The following RYR1 variants were observed in gnomAD, a reference collection of about 807,000 sequenced individuals.
RYR1 encodes the protein central core disease of muscle.
RYR1 carries 342 observed loss-of-function variants against 583.5 expected under a neutral mutation model. The ratio of observed to expected loss-of-function variants is 0.59; its 90% CI spans 0.54 to 0.64. The LOEUF (loss-of-function observed/expected upper bound fraction) is 0.64. Ranked by LOEUF, RYR1 falls within the 30% of genes least tolerant of loss-of-function variation. The pLI, the probability that RYR1 is intolerant of heterozygous loss-of-function variation, is 0.00. For missense variants in RYR1, 6,032 were observed against 6,917.2 expected (o/e 0.87, Z 4.54); for synonymous variants, 2,791 against 2,822.5 (o/e 0.99, Z 0.35).
rs11880894 is a variant in RYR1 at position 38,490,899 on chromosome 19, C to T, written c.6127+167C>T. ...ATGAATGTGTTAGTGAACAGTTAGA[C>T]AATGCGTGTTTATATGGGTATTTGG... On this transcript the variant is annotated intron_variant, in intron 37 of 105. Transcript: ENST00000359596. Among the ~76,000 whole-genome samples the T allele has an allele frequency of 0.22, 33,899 of 152,218 alleles. 5,237 individuals are homozygous for T. Among genetic ancestry groups the T allele is most frequent in the African/African-American group, 0.43 (17,883 of 41,522 alleles).
intron 89 of RYR1, among the ~76,000 whole-genome samples, chr19:38,559,382 C>T (rs1421570575): frequency 6.6e-6 from 1 of 151,724 alleles, no homozygotes; most frequent in African/African-American, 2.4e-5. Context: ...TACAGGCACG[C>T]ACCATCATGC....
In RYR1 at chr19:38,500,946, G is replaced by A. The variant is rs1179671142; in HGVS notation, c.7570G>A (p.Val2524Met). 16 of 1,613,924 alleles carry A rather than the reference G, an allele frequency of 9.9e-6. No individual in the cohort carries two copies. The highest frequency in any genetic ancestry group is 5.0e-5 in the Admixed American group (3 of 59,996). The change falls in exon 47 of 106, where the codon GTG becomes ATG. Residue 2524 changes from valine to methionine, a missense_variant. Transcript: ENST00000359596. This position sits in a 1 kb window ranked among gnomAD's most constrained non-coding sequence, Gnocchi z 5.9. ...NQDFLLHVLD[V>M]GFLPDMRAAA... ...GGACTTCTTGCTGCACGTGCTGGAC[G>A]TGGGGTTCCTGCCCGACATGAGGGC...
chr19:38,475,212 T>C, intron 28 of RYR1, 106 bp from the exon 29 acceptor site: 5 of 1,446,362 alleles, frequency 3.5e-6, no homozygotes, highest in Non-Finnish European at 4.7e-6. Flanking sequence ...AGACCTGGGG[T>C]ATTAGAAGCA....
In RYR1 at chr19:38,525,424, G is replaced by T; in HGVS notation, c.10548G>T (p.Lys3516Asn). Reference protein sequence around the residue: ...QTSLIVATLKKMLPIGLNMCA... With the variant: ...QTSLIVATLKNMLPIGLNMCA... Reference sequence around the variant, plus strand: ...CACTGATCGTGGCCACACTGAAGAAGATGCTGCCCATCGGCCTGAATATGT... The same window carrying T: ...CACTGATCGTGGCCACACTGAAGAATATGCTGCCCATCGGCCTGAATATGT... The change falls in exon 71 of 106, where the codon AAG becomes AAT. Residue 3516 changes from lysine to asparagine, a missense_variant. Around this residue, in one of 11 missense-constraint regions of RYR1, gnomAD observed 1,493 missense variants for 1,715.5 expected, o/e 0.87. Coordinates refer to ENST00000359596, the MANE Select transcript of RYR1 (RefSeq NM_000540.3). The T allele has an allele frequency of 6.2e-7, 1 of 1,614,030 alleles. No homozygotes were observed. The highest frequency in any genetic ancestry group is 8.5e-7 in the Non-Finnish European group (1 of 1,179,982).
rs746317037 is a variant in RYR1 at position 38,485,813 on chromosome 19, G to A, written c.5158G>A (p.Glu1720Lys). ...YYDLLISIHLESACRSRRSML... is the reference protein window; with the variant it reads ...YYDLLISIHLKSACRSRRSML... ...TGACCTCCTCATCAGCATCCACCTC[G>A]AAAGTGCCTGCCGCAGCCGCCGCTC... Residue 1720 changes from glutamate to lysine, a missense_variant, in exon 34 of 106, where the codon GAA becomes AAA. By Grantham distance (56) the Glu-to-Lys change is moderately conservative (BLOSUM62 1). This residue lies in a region of RYR1 where 2,627 missense variants were observed against 2,961.3 expected (regional missense o/e 0.89). Transcript: ENST00000359596. The A allele has an allele frequency of 1.2e-6, 2 of 1,613,306 alleles. No homozygotes were observed. The highest frequency in any genetic ancestry group is 1.7e-6 in the Non-Finnish European group (2 of 1,179,968).
chr19:38,450,856 G>A (rs928680700), intron 11 of RYR1, among the ~76,000 whole-genome samples: 12 of 152,090 alleles, frequency 7.9e-5, no homozygotes, highest in Admixed American at 7.2e-4. Context: ...CTTTTCTATC[G>A]GCACATTCCC....
At position 38,460,604 on chromosome 19, in the gene RYR1, C is replaced by T. The variant is rs1201524076; in HGVS notation, c.2577+13C>T. 1 of 1,606,852 alleles carries T rather than the reference C, an allele frequency of 6.2e-7. No individual in the cohort carries two copies. Among genetic ancestry groups the T allele is most frequent in the South Asian group, 1.1e-5 (1 of 91,042 alleles). ...GGACACTGTCCAGGTACTGCCTGCC[C>T]TGCAAAGGTTTTCTGGCGAGGCAGG... is the stretch of plus-strand genomic sequence containing the variant. On this transcript the variant is annotated intron_variant, in intron 20 of 105. Transcript: ENST00000359596.
At position 38,502,732 on chromosome 19, in the gene RYR1, A is replaced by G. The variant is rs1469695; in HGVS notation, c.7835+5A>G. The G allele has an allele frequency of 0.32, 456,456 of 1,416,812 alleles. 70,145 individuals are homozygous for G. The highest frequency in any genetic ancestry group is 0.49 in the African/African-American group (31,245 of 63,786). 87.8% of individuals were successfully genotyped at this position (1,416,812 alleles called of 1,614,324 possible). A position where few individuals can be genotyped will look rare whatever the true frequency, so the allele number is the denominator to read the frequency against. On this transcript the variant is annotated splice_donor_5th_base_variant and intron_variant, in intron 48 of 105. Coordinates refer to ENST00000359596, the MANE Select transcript of RYR1 (RefSeq NM_000540.3). ...CTGCCTCATGTCGCTCTGCAGGTGG[A>G]GCGGGGCAGGCTTCAGGGTGGGGCA...
At chr19:38,586,233 G>A in intron 104 of RYR1, 42 bp downstream of exon 104, 1 of 1,558,536 alleles carries the variant, frequency 6.4e-7, no homozygotes, top group African/African-American at 1.4e-5. Context: ...GGGGGGCATG[G>A]CTGCCAATAG....
chr19:38,450,028 G>A (rs1966996154), intron 11 of RYR1, among the ~76,000 whole-genome samples: 1 of 152,164 alleles, frequency 6.6e-6, no homozygotes, highest in Non-Finnish European at 1.5e-5. Flanking sequence ...CACTGCTCCT[G>A]GCCAGGTTCT....
At chr19:38,535,578 TAGACTTGAAG>T (rs1385750689) in intron 81 of RYR1, 186 bp downstream of exon 81, 6 of 663,530 alleles carry the variant, frequency 9.0e-6, no homozygotes, top group Non-Finnish European at 1.6e-5. Context: ...CAAAATGTCA[TAGACTTGAAG>T]AATGAGTTGC....
chr19:38,477,658 C>T, intron 29 of RYR1, 52 bp from the exon 30 acceptor site: 2 of 1,613,528 alleles, frequency 1.2e-6, no homozygotes, highest in East Asian at 2.2e-5. Flanking sequence ...CCCAGGGAGC[C>T]CGAGTCCCTG....
chr19:38,446,526 G>A lies in RYR1; in HGVS notation c.686G>A (p.Cys229Tyr), dbSNP rs765606076. 6.2e-7 allele frequency: 1 copy of A among 1,614,198 alleles called. No homozygotes were observed. Among genetic ancestry groups the A allele is most frequent in the Non-Finnish European group, 8.5e-7 (1 of 1,180,040 alleles). ...LRLFHGHMDE[C>Y]LTISPADSDD... ...CTCTTTCATGGACATATGGATGAGT[G>A]TCTGACCATTTCCCCTGCTGACAGT... Residue 229 changes from cysteine (C) to tyrosine (Y), a missense_variant, in exon 8 of 106, where the codon TGT becomes TAT. Coordinates refer to ENST00000359596, the MANE Select transcript of RYR1 (RefSeq NM_000540.3).
chr19:38,573,379 C>G (rs929059490), intron 96 of RYR1, 72 bp downstream of exon 96: 2 of 1,564,700 alleles, frequency 1.3e-6, no homozygotes, highest in African/African-American at 1.4e-5. Context: ...CAGGCCTGGA[C>G]CCCAAAAAAC....
Position 38,463,141 on chromosome 19 carries a change from G to GCCCCC in RYR1, c.2578-272_2578-268dup, listed in dbSNP as rs34883994. Among the ~76,000 whole-genome samples, 9 of 32,958 alleles carry GCCCCC rather than the reference G, an allele frequency of 2.7e-4. 1 individual carries two copies. Among genetic ancestry groups the GCCCCC allele is most frequent in the East Asian group, 7.9e-4 (1 of 1,260 alleles). The allele number at this position is 32,958 out of a possible 152,430, so 21.6% of individuals were successfully genotyped here. On this transcript the variant is annotated intron_variant, in intron 20 of 105. Transcript: ENST00000359596. ...TTGAACTCCTGACCTCAGGCGATCT[G>GCCCCC]CCCCCCCCCCCCCCACTTAGCCTCC...
intron 84 of RYR1, among the ~76,000 whole-genome samples, chr19:38,541,716 A>C (rs1972201848): frequency 7.2e-6 from 1 of 139,302 alleles, no homozygotes; most frequent in Non-Finnish European, 1.6e-5. Flanking sequence ...ACTGTATCTC[A>C]AAAAAAAAAG....
rs538408205 is a variant in RYR1 at position 38,452,116 on chromosome 19, C to T, written c.1244+231C>T. 2.1e-3 allele frequency among the ~76,000 whole-genome samples: 281 copies of T among 136,736 alleles called. 2 individuals carry two copies. Among genetic ancestry groups the T allele is most frequent in the African/African-American group, 6.0e-3 (212 of 35,340 alleles). 89.7% of individuals were successfully genotyped at this position (136,736 alleles called of 152,430 possible). A position where few individuals can be genotyped will look rare whatever the true frequency, so the allele number is the denominator to read the frequency against. On this transcript the variant is annotated intron_variant, in intron 12 of 105. Coordinates refer to ENST00000359596, the MANE Select transcript of RYR1 (RefSeq NM_000540.3). ...CCAGCCTGGGCAGCATAGGGAGACC[C>T]CGCCTCTACCAAAAAAAAAAAAAAA... is the stretch of plus-strand genomic sequence containing the variant.
chr19:38,546,492 G>T lies in RYR1; in HGVS notation c.12060G>T (p.Lys4020Asn), dbSNP rs748269795. The change falls in exon 88 of 106, where the codon AAG (lysine) becomes AAT (asparagine). Residue 4020 changes from lysine (K) to asparagine (N), a missense_variant. By Grantham distance (94) the Lys-to-Asn change is moderately conservative. Coordinates refer to ENST00000359596, the MANE Select transcript of RYR1 (RefSeq NM_000540.3). ...ELLKELLDLQ[K>N]DMVVMLLSLL... is the part of the protein sequence containing the mutation. Reference sequence around the variant, plus strand: ...TGAAGGAGCTGCTGGATCTGCAGAAGGACATGGTGGTGATGTTGCTGTCGC... The same window carrying T: ...TGAAGGAGCTGCTGGATCTGCAGAATGACATGGTGGTGATGTTGCTGTCGC... 2 of 1,613,746 alleles carry T rather than the reference G, an allele frequency of 1.2e-6. No homozygotes were observed. Among genetic ancestry groups the T allele is most frequent in the Non-Finnish European group, 1.7e-6 (2 of 1,179,960 alleles).
Position 38,455,728 on chromosome 19 carries a change from G to T in RYR1, c.1768G>T (p.Asp590Tyr), listed in dbSNP as rs552148844. 8.1e-6 allele frequency: 13 copies of T among 1,611,954 alleles called. No homozygotes were observed. The East Asian group carries it at 2.9e-4, about 36-fold the overall frequency. Residue 590 changes from aspartate (D) to tyrosine (Y), a missense_variant, in exon 16 of 106, where the codon GAC becomes TAC. Coordinates refer to ENST00000359596, the MANE Select transcript of RYR1 (RefSeq NM_000540.3). ...CATCAAGTCCATCATCTCCCTCCTG[G>T]ACAAGCATGGGAGGAACCACAAGGT... is the stretch of plus-strand genomic sequence containing the variant. ...NHIKSIISLL[D>Y]KHGRNHKVLD...
Sources: gnomAD v4.1 joint callset for allele counts (sites outside exome capture counted in the v4.1 genomes callset) on GRCh38, gnomAD v4.1.1 for gene constraint, gnomAD v4.1.1 regional missense constraint, Gnocchi (gnomAD v3.1) non-coding constraint, MANE v1.5 for transcripts, NCBI Gene and HGNC (gene_info 2026-07-23, HGNC 2026-07-21) for gene names.